Variants in FBXL17 observed in about 807,000 individuals in gnomAD.
FBXL17 encodes the protein F-box and leucine rich repeat protein 17.
Under a neutral mutation model 66.2 loss-of-function variants are expected in FBXL17, and 22 were observed. The ratio of observed to expected loss-of-function variants is 0.33; its 90% CI spans 0.24 to 0.47. The LOEUF (loss-of-function observed/expected upper bound fraction) is 0.47. FBXL17 is among the 20% of genes least tolerant of loss of function. FBXL17 has a pLI of 1.00. For synonymous variants in FBXL17, 474 were observed against 400.5 expected (o/e 1.18, Z -2.19); for missense variants, 878 against 948.2 (o/e 0.93, Z 0.97).
intron 7 of FBXL17, among the ~76,000 whole-genome samples, chr5:107,957,551 A>G (rs1486947282): frequency 6.6e-6 from 1 of 152,186 alleles, no homozygotes; most frequent in Non-Finnish European, 1.5e-5. Flanking sequence ...CATCTTTCAG[A>G]TCTCCATACA....
chr5:108,278,049 A>G (rs1303397538), intron 4 of FBXL17, among the ~76,000 whole-genome samples: 2 of 152,180 alleles, frequency 1.3e-5, no homozygotes, highest in Admixed American at 6.5e-5. Context: ...GCAAACTAGG[A>G]AGGAAAAGGA....
chr5:108,143,312 G>C (rs968390469), intron 6 of FBXL17, among the ~76,000 whole-genome samples: 1 of 151,118 alleles, frequency 6.6e-6, no homozygotes. Context: ...AATGAACATA[G>C]ACAATTAACA....
At chr5:108,167,951 G>A (rs1431062479) in intron 6 of FBXL17, among the ~76,000 whole-genome samples, 1 of 152,158 alleles carries the variant, frequency 6.6e-6, no homozygotes, top group East Asian at 1.9e-4. Context: ...ACAAAAGCTG[G>A]TGGAAAAACT....
At chr5:107,861,944 GCTCA>G in intron 8 of FBXL17, 84 bp from the exon 9 acceptor site, 1 of 1,345,378 alleles carries the variant, frequency 7.4e-7, no homozygotes, top group Non-Finnish European at 9.7e-7. Context: ...GCTGCAGCTG[GCTCA>G]CTGTGACACG....
At chr5:108,096,360 A>T (rs181518106) in intron 6 of FBXL17, among the ~76,000 whole-genome samples, 143 of 152,314 alleles carry the variant, frequency 9.4e-4, no homozygotes, top group Middle Eastern at 3.4e-3. Context: ...GCAGTTAACC[A>T]CATAGGACGA....
At position 108,259,043 on chromosome 5, in the gene FBXL17, G is replaced by A. The variant is rs1756699288; in HGVS notation, c.1507-34815C>T. On this transcript the variant is annotated intron_variant, in intron 4 of 8. Coordinates refer to ENST00000542267, the MANE Select transcript of FBXL17 (RefSeq NM_001163315.3). ...TTCCATTTAAATAACAAGTGTCTGT[G>A]CGTTAAAAGTGGCAGGTTTTTTCTC... 2.0e-5 allele frequency among the ~76,000 whole-genome samples: 3 copies of A among 152,126 alleles called. No individual in the cohort carries two copies. In the South Asian group the frequency reaches 6.2e-4, roughly 32 times the overall value.
At chr5:107,915,879 T>C (rs1226311744) in intron 7 of FBXL17, among the ~76,000 whole-genome samples, 2 of 152,354 alleles carry the variant, frequency 1.3e-5, no homozygotes, top group African/African-American at 4.8e-5. Context: ...CAAAGAACTT[T>C]ACACATCTGC....
chr5:108,193,960 C>T (rs897476443), intron 5 of FBXL17, among the ~76,000 whole-genome samples: 3 of 152,092 alleles, frequency 2.0e-5, no homozygotes, highest in Non-Finnish European at 4.4e-5. Flanking sequence ...GGACATTTTA[C>T]GGCCCGCTTC....
chr5:108,146,066 C>A (rs185424078), intron 6 of FBXL17, among the ~76,000 whole-genome samples: 21 of 151,588 alleles, frequency 1.4e-4, no homozygotes, highest in African/African-American at 4.6e-4. Context: ...AAAATCTCTA[C>A]TAAAAATACA....
At chr5:107,886,378 G>C (rs1387171890) in intron 7 of FBXL17, among the ~76,000 whole-genome samples, 1 of 152,074 alleles carries the variant, frequency 6.6e-6, no homozygotes, top group African/African-American at 2.4e-5. Context: ...CTATTTCTTA[G>C]CTCTTTCTGC....
intron 7 of FBXL17, among the ~76,000 whole-genome samples, chr5:107,915,101 C>A (rs13160145): frequency 0.78 from 119,221 of 152,096 alleles, 47,090 homozygotes; most frequent in Admixed American, 0.8. Context: ...ACTATAATTG[C>A]AATTTTAAAA....
chr5:107,955,865 T>C (rs563952910), intron 7 of FBXL17, among the ~76,000 whole-genome samples: 5 of 152,116 alleles, frequency 3.3e-5, no homozygotes, highest in African/African-American at 9.7e-5. Flanking sequence ...AAGAGAAAGG[T>C]TCCTCAAAAT....
chr5:108,082,284 T>C (rs553641799), intron 6 of FBXL17, among the ~76,000 whole-genome samples: 1 of 152,168 alleles, frequency 6.6e-6, no homozygotes, highest in South Asian at 2.1e-4. Flanking sequence ...CAGGCTCAGA[T>C]CTCCTGGGTT....
At chr5:108,158,177 A>G (rs988046755) in intron 6 of FBXL17, among the ~76,000 whole-genome samples, 5 of 152,158 alleles carry the variant, frequency 3.3e-5, no homozygotes, top group African/African-American at 1.2e-4. Context: ...TCATCTATAA[A>G]ACTATTAAAA....
At position 107,983,808 on chromosome 5, in the gene FBXL17, A is replaced by G. The variant is rs572388169; in HGVS notation, c.1822+37117T>C. On this transcript the variant is annotated intron_variant, in intron 7 of 8. Coordinates refer to ENST00000542267, the MANE Select transcript of FBXL17 (RefSeq NM_001163315.3). ...ATCATACTTCACCTGCATTAACAAC[A>G]CATCATAAATAGAAATGGAAGAGAC... 7.2e-5 allele frequency among the ~76,000 whole-genome samples: 11 copies of G among 152,266 alleles called. 1 individual carries two copies. Among genetic ancestry groups the G allele is most frequent in the African/African-American group, 2.2e-4 (9 of 41,538 alleles).
chr5:108,345,378 C>G (rs1474722651), intron 4 of FBXL17, among the ~76,000 whole-genome samples: 1 of 151,342 alleles, frequency 6.6e-6, no homozygotes, highest in Non-Finnish European at 1.5e-5. Context: ...CATCTAAGTC[C>G]TCAGTTCTCT....
intron 3 of FBXL17, among the ~76,000 whole-genome samples, chr5:108,353,711 T>C (rs1310829900): frequency 6.6e-6 from 1 of 152,068 alleles, no homozygotes; most frequent in African/African-American, 2.4e-5. Context: ...AGGAAAGGGA[T>C]ATACCAAACT....
chr5:107,893,021 C>T (rs1195338323), intron 7 of FBXL17, among the ~76,000 whole-genome samples: 2 of 152,068 alleles, frequency 1.3e-5, no homozygotes, highest in Non-Finnish European at 2.9e-5. Context: ...TCTAATATAC[C>T]TGTCTATCTC....
At chr5:108,168,882 C>G (rs1752506045) in intron 6 of FBXL17, among the ~76,000 whole-genome samples, 1 of 152,058 alleles carries the variant, frequency 6.6e-6, no homozygotes, top group Admixed American at 6.6e-5. Context: ...AAAATAAAAC[C>G]ATTCAAATTA....
Sources: gnomAD v4.1 joint callset for allele counts (sites outside exome capture counted in the v4.1 genomes callset) on GRCh38, gnomAD v4.1.1 for gene constraint, MANE v1.5 for transcripts, NCBI Gene and HGNC (gene_info 2026-07-23, HGNC 2026-07-21) for gene names.